The following SAMMSON variants were observed in gnomAD, a reference collection of about 807,000 sequenced individuals.
SAMMSON encodes survival associated mitochondrial melanoma specific oncogenic non-coding RNA, also known as long intergenic non-protein coding RNA 1212.
intron 4 of SAMMSON, among the ~76,000 whole-genome samples, chr3:70,231,419 A>G (rs1372140485): frequency 1.3e-5 from 2 of 152,188 alleles, no homozygotes; most frequent in African/African-American, 2.4e-5. Context: ...CTACCCCCAG[A>G]GCTCCCGACG....
intron 6 of SAMMSON, among the ~76,000 whole-genome samples, chr3:70,269,163 A>G (rs1701951813): frequency 6.6e-6 from 1 of 152,214 alleles, no homozygotes; most frequent in African/African-American, 2.4e-5. Flanking sequence ...ATTTTTAAAC[A>G]TCTGTGGAAT....
chr3:70,126,255 CTTTTT>C, intron 4 of SAMMSON: 2 of 850,966 alleles, frequency 2.4e-6, no homozygotes, highest in Non-Finnish European at 1.8e-6. Context: ...GTCATCAGAC[CTTTTT>C]TTTTTTTTTT....
chr3:70,321,879 G>A (rs1301790319), intron 7 of SAMMSON, among the ~76,000 whole-genome samples: 1 of 151,986 alleles, frequency 6.6e-6, no homozygotes, highest in Admixed American at 6.6e-5. Context: ...CAAAATTGTA[G>A]CGTAGAGATG....
At chr3:70,338,316 G>T (rs965592534) in intron 7 of SAMMSON, among the ~76,000 whole-genome samples, 22 of 151,710 alleles carry the variant, frequency 1.5e-4, no homozygotes, top group African/African-American at 5.1e-4. Flanking sequence ...GCAAACAGGA[G>T]GATAATGAAA....
intron 6 of SAMMSON, among the ~76,000 whole-genome samples, chr3:70,256,140 T>TC (rs1220032780): frequency 3.3e-5 from 5 of 152,228 alleles, no homozygotes; most frequent in Non-Finnish European, 7.3e-5. Flanking sequence ...TCTATTGCTT[T>TC]CCCCATGGTT....
intron 4 of SAMMSON, among the ~76,000 whole-genome samples, chr3:70,237,853 C>T (rs542659882): frequency 6.6e-6 from 1 of 152,118 alleles, no homozygotes; most frequent in Admixed American, 6.5e-5. Context: ...ACTGAAAGTG[C>T]CCCTTAATCA....
chr3:70,052,540 AT>A (rs1429477773), intron 3 of SAMMSON, among the ~76,000 whole-genome samples: 3 of 152,134 alleles, frequency 2.0e-5, no homozygotes, highest in Non-Finnish European at 4.4e-5. Context: ...AGTAGCAAAA[AT>A]TGGTCAAATG....
At chr3:70,336,235 T>C (rs1433820411) in intron 7 of SAMMSON, among the ~76,000 whole-genome samples, 1 of 152,020 alleles carries the variant, frequency 6.6e-6, no homozygotes, top group Admixed American at 6.6e-5. Flanking sequence ...CTCTAAGAAC[T>C]ACATGTTAAG....
intron 6 of SAMMSON, among the ~76,000 whole-genome samples, chr3:70,270,962 G>A (rs977698493): frequency 6.6e-5 from 10 of 151,906 alleles, no homozygotes; most frequent in Non-Finnish European, 4.4e-5. Context: ...GCAGCAAATC[G>A]CCATGGCACA....
intron 7 of SAMMSON, among the ~76,000 whole-genome samples, chr3:70,345,913 T>C (rs1404328886): frequency 1.3e-5 from 2 of 152,190 alleles, no homozygotes; most frequent in African/African-American, 2.4e-5. Flanking sequence ...ATGAGTTTTG[T>C]TGATTATGAA....
At chr3:70,286,598 A>G (rs970799269) in intron 6 of SAMMSON, among the ~76,000 whole-genome samples, 3 of 151,956 alleles carry the variant, frequency 2.0e-5, no homozygotes, top group African/African-American at 4.8e-5. Flanking sequence ...CTGTGAAGAA[A>G]GTCATTGGTA....
chr3:70,108,992 C>G (rs998173709), intron 4 of SAMMSON, among the ~76,000 whole-genome samples: 1 of 152,148 alleles, frequency 6.6e-6, no homozygotes, highest in Non-Finnish European at 1.5e-5. Flanking sequence ...GATTTTAAAC[C>G]CTTAAGGAAC....
At chr3:70,403,995 G>A (rs931998912) in intron 2 of SAMMSON, among the ~76,000 whole-genome samples, 1 of 151,956 alleles carries the variant, frequency 6.6e-6, no homozygotes, top group African/African-American at 2.4e-5. Context: ...CAAAGTCCAT[G>A]TTTCAGTGTA....
intron 4 of SAMMSON, among the ~76,000 whole-genome samples, chr3:70,163,573 T>C (rs1010151800): frequency 1.8e-4 from 28 of 151,894 alleles, no homozygotes; most frequent in African/African-American, 6.5e-4. Context: ...AAATGCCAGG[T>C]TGGGGTTTTA....
chr3:70,328,725 G>A (rs554784759), intron 7 of SAMMSON, among the ~76,000 whole-genome samples: 5 of 152,248 alleles, frequency 3.3e-5, no homozygotes, highest in African/African-American at 1.2e-4. Context: ...CCCAGAGAGT[G>A]ATGCAGTGAG....
At chr3:70,117,677 G>T (rs1278944036) in intron 4 of SAMMSON, among the ~76,000 whole-genome samples, 1 of 152,080 alleles carries the variant, frequency 6.6e-6, no homozygotes, top group Non-Finnish European at 1.5e-5. Flanking sequence ...TGGTGAGAAA[G>T]ACCATAAAAC....
At chr3:70,428,170 T>G (rs2106778370) in intron 2 of SAMMSON, among the ~76,000 whole-genome samples, 2 of 152,280 alleles carry the variant, frequency 1.3e-5, no homozygotes, top group Middle Eastern at 3.4e-3. Flanking sequence ...AGAAATCAAT[T>G]CTCTCCAAAT....
intron 4 of SAMMSON, chr3:70,140,464 C>T (rs372842779): frequency 1.7e-5 from 3 of 181,264 alleles, no homozygotes; most frequent in Admixed American, 1.6e-4. Flanking sequence ...GAGTGACCCA[C>T]AAACTCTTTA....
Position 70,064,014 on chromosome 3 carries a change from A to C in SAMMSON, n.418-7462A>C, listed in dbSNP as rs186761201. ...TGCACTTCTTGTCTGGGCTATTCAG[A>C]ATACATCCACTTTACATTTCATGAT... On this transcript the variant is annotated intron_variant and non_coding_transcript_variant, in intron 3 of 9. Transcript: ENST00000642114. 2.6e-5 allele frequency among the ~76,000 whole-genome samples: 4 copies of C among 152,196 alleles called. No homozygotes were observed. The East Asian group carries it at 5.8e-4, about 22-fold the overall frequency.
Sources: allele counts gnomAD v4.1 joint callset (sites outside exome capture counted in the v4.1 genomes callset), GRCh38; gene constraint gnomAD v4.1.1; transcripts MANE v1.5; gene names NCBI Gene and HGNC (gene_info 2026-07-23, HGNC 2026-07-21).